Variants in CCDC6 observed in about 807,000 individuals in gnomAD.
CCDC6 encodes coiled-coil domain containing 6.
A neutral mutation model predicts 56.6 loss-of-function variants in CCDC6; 20 were observed. The ratio of observed to expected loss-of-function variants is 0.35; its 90% CI spans 0.25 to 0.51. CCDC6 has a LOEUF of 0.51. Among genes scored for constraint, CCDC6 ranks in the 20% least tolerant of loss-of-function variants. CCDC6 has a pLI of 0.95. For missense variants in CCDC6, 367 were observed against 601.1 expected (o/e 0.61, Z 4.07); for synonymous variants, 241 against 234.4 (o/e 1.03, Z -0.26).
chr10:59,794,783 C>T (rs10821595), intron 7 of CCDC6, among the ~76,000 whole-genome samples, 186 bp from the exon 8 acceptor site: 97,188 of 151,890 alleles, frequency 0.64, 32,887 homozygotes, highest in Middle Eastern at 0.8. Context: ...TAGGATAGAA[C>T]AGAGAGCCCA....
intron 1 of CCDC6, among the ~76,000 whole-genome samples, chr10:59,894,516 A>G (rs1429394854): frequency 6.6e-6 from 1 of 152,164 alleles, no homozygotes; most frequent in Non-Finnish European, 1.5e-5. Context: ...GCACAAAATC[A>G]TCCCAGTTGT....
chr10:59,818,660 G>A (rs1053882659), intron 3 of CCDC6, among the ~76,000 whole-genome samples: 1 of 152,124 alleles, frequency 6.6e-6, no homozygotes, highest in African/African-American at 2.4e-5. Context: ...GTAAGAGTGT[G>A]TGTATGAGTG....
chr10:59,889,377 C>A (rs2071405532), intron 1 of CCDC6, among the ~76,000 whole-genome samples: 1 of 152,200 alleles, frequency 6.6e-6, no homozygotes, highest in Admixed American at 6.5e-5. Flanking sequence ...TACAAGTCAG[C>A]CTGCTGTTTC....
intron 1 of CCDC6, among the ~76,000 whole-genome samples, chr10:59,895,738 G>A (rs543284063): frequency 6.6e-6 from 1 of 152,300 alleles, no homozygotes; most frequent in South Asian, 2.1e-4. Flanking sequence ...TTGACGTTCT[G>A]GAGGCAATTT....
chr10:59,844,577 C>T (rs1046630583), intron 2 of CCDC6, among the ~76,000 whole-genome samples: 2 of 149,640 alleles, frequency 1.3e-5, no homozygotes, highest in African/African-American at 5.0e-5. Context: ...TGGTAAAACC[C>T]TGTCTCTACT....
rs1159165897 is a variant in CCDC6, at chr10:59,792,685, T to TA, written c.*231dup. The TA allele has an allele frequency of 2.7e-6, 2 of 754,360 alleles. No homozygotes were observed. The highest frequency in any genetic ancestry group is 3.4e-5 in the Admixed American group (2 of 58,568). 46.7% of individuals were successfully genotyped at this position (754,360 alleles called of 1,614,324 possible). A position where few individuals can be genotyped will look rare whatever the true frequency, so the allele number is the denominator to read the frequency against. On this transcript the variant is annotated 3_prime_UTR_variant, in exon 9 of 9. Coordinates refer to ENST00000263102, the MANE Select transcript of CCDC6 (RefSeq NM_005436.5). The stretch of plus-strand genomic sequence containing the variant: ...GAAGGTTCCAGCCAGGGAATGGACG[T>TA]ACATGAAGATTCAAGTAAAACACTG...
At chr10:59,842,407 T>C (rs1235409608) in intron 2 of CCDC6, among the ~76,000 whole-genome samples, 2 of 152,236 alleles carry the variant, frequency 1.3e-5, no homozygotes, top group Non-Finnish European at 2.9e-5. Flanking sequence ...CTAATTTTTA[T>C]CATGAATTGT....
intron 2 of CCDC6, among the ~76,000 whole-genome samples, 161 bp downstream of exon 2, chr10:59,852,392 C>A (rs1050500544): frequency 6.6e-6 from 1 of 152,214 alleles, no homozygotes; most frequent in Non-Finnish European, 1.5e-5. Flanking sequence ...ACAGTCTTGA[C>A]TATTACACCG....
intron 3 of CCDC6, among the ~76,000 whole-genome samples, chr10:59,824,571 T>C (rs1032480394): frequency 6.6e-6 from 1 of 152,160 alleles, no homozygotes; most frequent in Non-Finnish European, 1.5e-5. Context: ...TATGATTATG[T>C]CTCCAATAGA....
intron 4 of CCDC6, among the ~76,000 whole-genome samples, chr10:59,813,356 C>T (rs1201161557): frequency 6.6e-6 from 1 of 152,164 alleles, no homozygotes; most frequent in Non-Finnish European, 1.5e-5. Context: ...AAAACAAAAC[C>T]AAAATTGTTA....
chr10:59,798,981 A>G (rs368169180), intron 7 of CCDC6, among the ~76,000 whole-genome samples: 3 of 136,434 alleles, frequency 2.2e-5, no homozygotes, highest in African/African-American at 8.8e-5. Flanking sequence ...GCGACAGAGC[A>G]AGACTGTTTC....
At chr10:59,832,782 T>A in intron 2 of CCDC6, 129 bp from the exon 3 acceptor site, 1 of 880,536 alleles carries the variant, frequency 1.1e-6, no homozygotes, top group Non-Finnish European at 1.7e-6. Context: ...TGCTCAAATG[T>A]GCAAGTATAT....
chr10:59,831,100 C>T (rs538972640), intron 3 of CCDC6, among the ~76,000 whole-genome samples: 15 of 152,292 alleles, frequency 9.8e-5, no homozygotes, highest in South Asian at 8.3e-4. Flanking sequence ...ACTGCCTATC[C>T]TGGGAATTAA....
At chr10:59,803,280 C>T (rs1393560815) in intron 7 of CCDC6, among the ~76,000 whole-genome samples, 1 of 151,922 alleles carries the variant, frequency 6.6e-6, no homozygotes, top group Non-Finnish European at 1.5e-5. Flanking sequence ...AAGGCGGCCA[C>T]CCTTTGTGCT....
intron 2 of CCDC6, among the ~76,000 whole-genome samples, chr10:59,850,604 A>C (rs1159153049): frequency 6.6e-6 from 1 of 152,214 alleles, no homozygotes; most frequent in Non-Finnish European, 1.5e-5. Flanking sequence ...CACTTTTGGA[A>C]ATAACAGTTT....
chr10:59,797,225 TG>T (rs2070528420), intron 7 of CCDC6, among the ~76,000 whole-genome samples: 1 of 152,104 alleles, frequency 6.6e-6, no homozygotes, highest in Non-Finnish European at 1.5e-5. Context: ...CAGAGTAGAA[TG>T]GCGGTGAACT....
Position 59,789,882 on chromosome 10 carries a change from C to T in CCDC6, c.*3035G>A, listed in dbSNP as rs759939257. 1.1e-5 allele frequency: 2 copies of T among 176,376 alleles called. No individual in the cohort carries two copies. The highest frequency in any genetic ancestry group is 3.1e-5 in the African/African-American group (1 of 32,518). 10.9% of individuals were successfully genotyped at this position (176,376 alleles called of 1,614,324 possible). On this transcript the variant is annotated 3_prime_UTR_variant, in exon 9 of 9. Transcript: ENST00000263102. ...AACAATTAACAAAAATTCACATTAT[C>T]AATTATTTCTGGTTGAATTCTGTTA...
rs987991832 is a variant in CCDC6, at chr10:59,825,441, C to T, written c.582+7084G>A. On this transcript the variant is annotated intron_variant, in intron 3 of 8. Coordinates refer to ENST00000263102, the MANE Select transcript of CCDC6 (RefSeq NM_005436.5). ...CTCCAAGGAACTAATCCAATTAAAC[C>T]TCTTTCTTTTGTAAATTGCCCAGTC... is the stretch of plus-strand genomic sequence containing the variant. Among the ~76,000 whole-genome samples, 72 of 152,168 alleles carry T rather than the reference C, an allele frequency of 4.7e-4. 1 individual carries two copies. The highest frequency in any genetic ancestry group is 1.7e-3 in the African/African-American group (70 of 41,422).
intron 1 of CCDC6, among the ~76,000 whole-genome samples, chr10:59,870,148 C>G (rs1027168219): frequency 1.3e-5 from 2 of 152,150 alleles, no homozygotes; most frequent in Non-Finnish European, 2.9e-5. Context: ...CAATCAGGGC[C>G]ACTGGTGACT....
Sources: allele counts gnomAD v4.1 joint callset (sites outside exome capture counted in the v4.1 genomes callset), GRCh38; gene constraint gnomAD v4.1.1; transcripts MANE v1.5; gene names NCBI Gene and HGNC (gene_info 2026-07-23, HGNC 2026-07-21).